TRAF3: variants seen among roughly 807,000 people sequenced by gnomAD.
TRAF3 encodes TNF receptor-associated factor 3.
In TRAF3, 13 loss-of-function variants were observed where a neutral mutation model predicts 62.3. The ratio of observed to expected loss-of-function variants is 0.21; its 90% CI spans 0.14 to 0.33. The LOEUF is 0.33. Ranked by LOEUF, TRAF3 falls within the 10% of genes least tolerant of loss-of-function variation. The pLI is 1.00. For missense variants in TRAF3, 440 were observed against 741.8 expected, an observed-to-expected ratio of 0.59 and a Z score of 4.73; for synonymous variants, 269 against 283.4, an observed-to-expected ratio of 0.95 and a Z score of 0.51.
chr14:102,848,435 C>CA (rs933312913), intron 2 of TRAF3, among the ~76,000 whole-genome samples: 18 of 152,086 alleles, frequency 1.2e-4, no homozygotes, highest in African/African-American at 3.6e-4. Context: ...CCCTTTAAAA[C>CA]ATAATAATAA....
intron 1 of TRAF3, among the ~76,000 whole-genome samples, chr14:102,799,012 T>C (rs1292182101): frequency 6.6e-6 from 1 of 152,198 alleles, no homozygotes; most frequent in Non-Finnish European, 1.5e-5. Flanking sequence ...TCAGTTTACA[T>C]GAGGAATTTA....
chr14:102,903,097 T>C lies in TRAF3; in HGVS notation c.961-158T>C, dbSNP rs766388532. 5.1e-6 allele frequency: 5 copies of C among 975,462 alleles called. No homozygotes were observed. The South Asian group carries it at 5.4e-5, about 11-fold the overall frequency. 60.4% of individuals were successfully genotyped at this position (975,462 alleles called of 1,614,324 possible). A position where few individuals can be genotyped will look rare whatever the true frequency, so the allele number is the denominator to read the frequency against. ...CCCAGGGAGCTCCCAGGAGGCCTGA[T>C]GCAGAGCCCCACTCCTGGAGTCAGA... On this transcript the variant is annotated intron_variant, in intron 10 of 11. Transcript: ENST00000392745. This position sits in a 1 kb window ranked among gnomAD's most constrained non-coding sequence, Gnocchi z 6.4.
chr14:102,799,920 C>G (rs1296279368), intron 1 of TRAF3, among the ~76,000 whole-genome samples: 1 of 152,136 alleles, frequency 6.6e-6, no homozygotes, highest in Non-Finnish European at 1.5e-5. Flanking sequence ...ATCCCCAGAA[C>G]CTGGGATGGC....
At chr14:102,808,066 G>A (rs1469698649) in intron 1 of TRAF3, among the ~76,000 whole-genome samples, 3 of 152,212 alleles carry the variant, frequency 2.0e-5, no homozygotes, top group Non-Finnish European at 4.4e-5. Context: ...GCATGGTCCA[G>A]GTGTTTATAA....
At chr14:102,823,390 A>G (rs947193257) in intron 1 of TRAF3, among the ~76,000 whole-genome samples, 2 of 152,228 alleles carry the variant, frequency 1.3e-5, no homozygotes, top group East Asian at 1.9e-4. Flanking sequence ...GATAAGTTCC[A>G]TAGCGACACC....
intron 1 of TRAF3, among the ~76,000 whole-genome samples, chr14:102,814,711 C>T (rs764004879): frequency 3.3e-5 from 5 of 151,768 alleles, no homozygotes; most frequent in South Asian, 2.1e-4. Flanking sequence ...TTTGTAGAGA[C>T]GGGGTTTTGC....
chr14:102,879,487 G>C lies in TRAF3; in HGVS notation c.570+2962G>C, dbSNP rs115292144. Among the ~76,000 whole-genome samples, 1,021 of 152,004 alleles carry C rather than the reference G, an allele frequency of 6.7e-3. 8 individuals are homozygous for C. The highest frequency in any genetic ancestry group is 0.023 in the African/African-American group (961 of 41,486). On this transcript the variant is annotated intron_variant, in intron 6 of 11. Coordinates refer to ENST00000392745, the MANE Select transcript of TRAF3 (RefSeq NM_145725.3). The stretch of plus-strand genomic sequence containing the variant: ...TGCCCAGTCTGGTCTCAAAACTCCT[G>C]GGCTTAAGCCATCTGCCCACCTCAG...
At chr14:102,786,289 A>G (rs998791297) in intron 1 of TRAF3, among the ~76,000 whole-genome samples, 1 of 152,244 alleles carries the variant, frequency 6.6e-6, no homozygotes, top group Non-Finnish European at 1.5e-5. Context: ...ATGGTCGCAC[A>G]ACATTATGAA....
chr14:102,844,163 T>G (rs140626949), intron 2 of TRAF3, among the ~76,000 whole-genome samples: 2 of 152,398 alleles, frequency 1.3e-5, no homozygotes, highest in East Asian at 3.8e-4. Flanking sequence ...ATGTGTTACC[T>G]TAATTGACCT....
intron 1 of TRAF3, among the ~76,000 whole-genome samples, chr14:102,806,546 C>T (rs141886523): frequency 1.3e-5 from 2 of 152,350 alleles, no homozygotes; most frequent in East Asian, 3.9e-4. Flanking sequence ...GCCCCTTGAG[C>T]TTCAGCTTCG....
intron 2 of TRAF3, among the ~76,000 whole-genome samples, chr14:102,839,531 T>C (rs953026716): frequency 6.6e-6 from 1 of 152,206 alleles, no homozygotes; most frequent in Admixed American, 6.5e-5. Flanking sequence ...TTATTTGCTT[T>C]TAGTTGAATT....
intron 2 of TRAF3, among the ~76,000 whole-genome samples, chr14:102,858,405 G>A (rs930900825): frequency 2.6e-5 from 4 of 152,050 alleles, no homozygotes; most frequent in African/African-American, 4.8e-5. Flanking sequence ...CACCCACCTC[G>A]GCCTCCCAAA....
chr14:102,903,116 A>C lies in TRAF3; in HGVS notation c.961-139A>C, dbSNP rs1306045845. 1.7e-6 allele frequency: 2 copies of C among 1,174,962 alleles called. No homozygotes were observed. The highest frequency in any genetic ancestry group is 3.0e-5 in the African/African-American group (2 of 66,362). The allele number at this position is 1,174,962 out of a possible 1,614,324, so 72.8% of individuals were successfully genotyped here. ...GCCTGATGCAGAGCCCCACTCCTGG[A>C]GTCAGAGCCGCGGGTGGCAGGCCTC... On this transcript the variant is annotated intron_variant, in intron 10 of 11. Coordinates refer to ENST00000392745, the MANE Select transcript of TRAF3 (RefSeq NM_145725.3). This position sits in a 1 kb window ranked among gnomAD's most constrained non-coding sequence, Gnocchi z 6.4.
chr14:102,862,127 A>G (rs1887712500), intron 2 of TRAF3, among the ~76,000 whole-genome samples: 2 of 152,168 alleles, frequency 1.3e-5, no homozygotes, highest in African/African-American at 4.8e-5. Flanking sequence ...TCCATTGCCA[A>G]ATTCAGGGTC....
chr14:102,829,475 A>G (rs978591703), intron 1 of TRAF3, among the ~76,000 whole-genome samples: 4 of 152,214 alleles, frequency 2.6e-5, no homozygotes, highest in African/African-American at 9.6e-5. Flanking sequence ...CTGAGGAACT[A>G]GCCTGTGTGT....
chr14:102,799,617 A>C (rs1355832728), intron 1 of TRAF3, among the ~76,000 whole-genome samples: 2 of 152,002 alleles, frequency 1.3e-5, no homozygotes, highest in African/African-American at 4.8e-5. Context: ...TACCTGGCTA[A>C]TTTTTGTATT....
At position 102,886,282 on chromosome 14, in the gene TRAF3, G is replaced by C. The variant is rs368761698; in HGVS notation, c.651+13G>C. 1.1e-5 allele frequency: 18 copies of C among 1,600,476 alleles called. No individual in the cohort carries two copies. The Admixed American group carries it at 1.9e-4, about 17-fold the overall frequency. On this transcript the variant is annotated intron_variant, in intron 7 of 11. Transcript: ENST00000392745. The stretch of plus-strand genomic sequence containing the variant: ...CCTGAGGAGCGAGGTAGGGGCGGCC[G>C]GGCCCGGCCGGGAGTCTGTGGAGTC...
intron 10 of TRAF3, among the ~76,000 whole-genome samples, chr14:102,899,252 A>G (rs1595409625): frequency 6.6e-6 from 1 of 152,256 alleles, no homozygotes; most frequent in Non-Finnish European, 1.5e-5. Flanking sequence ...TGCACTGTCC[A>G]TCCTCAGGAA....
intron 8 of TRAF3, among the ~76,000 whole-genome samples, chr14:102,891,124 C>T (rs1193991706): frequency 6.6e-6 from 1 of 152,220 alleles, no homozygotes; most frequent in African/African-American, 2.4e-5. Context: ...CTCTGCTGCT[C>T]CTGGCGGCCT....
Sources: allele counts gnomAD v4.1 joint callset (sites outside exome capture counted in the v4.1 genomes callset), GRCh38; gene constraint gnomAD v4.1.1; non-coding constraint Gnocchi (gnomAD v3.1); transcripts MANE v1.5; gene names NCBI Gene and HGNC (gene_info 2026-07-23, HGNC 2026-07-21).